The following CACNA1D variants were observed in gnomAD, a reference collection of about 807,000 sequenced individuals.
CACNA1D encodes voltage-dependent L-type calcium channel subunit alpha-1D.
A neutral mutation model predicts 257.1 loss-of-function variants in CACNA1D; 55 were observed. The ratio of observed to expected loss-of-function variants is 0.21; its 90% CI spans 0.17 to 0.27. CACNA1D has a LOEUF of 0.27. Among genes scored for constraint, CACNA1D ranks in the 10% least tolerant of loss-of-function variants. The pLI, the probability that CACNA1D is intolerant of heterozygous loss-of-function variation, is 1.00. For missense variants in CACNA1D, 1,876 were observed against 2,784.0 expected, an observed-to-expected ratio of 0.67 and a Z score of 7.34; for synonymous variants, 980 against 1,014.9, an observed-to-expected ratio of 0.97 and a Z score of 0.65.
intron 7 of CACNA1D, among the ~76,000 whole-genome samples, chr3:53,670,327 A>T (rs1483225823): frequency 6.6e-6 from 1 of 152,164 alleles, no homozygotes; most frequent in East Asian, 1.9e-4. Context: ...ATGAATATGC[A>T]TTTCAACCTT....
chr3:53,810,528 G>A (rs1241940012), intron 47 of CACNA1D: 13 of 574,382 alleles, frequency 2.3e-5, no homozygotes, highest in Middle Eastern at 4.6e-4. Context: ...AGGCCGAGGC[G>A]GGTGGATCAC....
intron 40 of CACNA1D, among the ~76,000 whole-genome samples, chr3:53,795,575 G>C (rs999055829): frequency 1.1e-4 from 17 of 152,188 alleles, no homozygotes; most frequent in South Asian, 6.2e-4. Context: ...GAATCTAGTG[G>C]AATATTTGTA....
chr3:53,605,783 C>T (rs1328655451), intron 3 of CACNA1D, among the ~76,000 whole-genome samples: 1 of 152,204 alleles, frequency 6.6e-6, no homozygotes, highest in Non-Finnish European at 1.5e-5. Context: ...AGAACACTTA[C>T]CAAGATCAGT....
chr3:53,702,603 A>T (rs375407224), intron 8 of CACNA1D, 38 bp from the exon 9 acceptor site: 205 of 1,607,424 alleles, frequency 1.3e-4, no homozygotes, highest in Non-Finnish European at 1.6e-4. Flanking sequence ...GTCCCCAAGG[A>T]TGTCCTGATA....
Position 53,810,050 on chromosome 3 carries a change from G to T in CACNA1D, c.5944G>T (p.Ala1982Ser). The change falls in exon 47 of 48, where the codon GCC becomes TCC. Residue 1982 changes from alanine (A) to serine (S), a missense_variant. Ala to Ser is a moderately conservative substitution (Grantham distance 99). Coordinates refer to ENST00000350061, the MANE Select transcript of CACNA1D (RefSeq NM_001128840.3). ...YSPSHSTRSW[A>S]TPPATPPYRD... Reference sequence around the variant, plus strand: ...ACCGAGTCACTCGACCCGGTCGTGGGCCACCCCTCCAGCAACCCCTCCCTA... The same window carrying T: ...ACCGAGTCACTCGACCCGGTCGTGGTCCACCCCTCCAGCAACCCCTCCCTA... 6.2e-7 allele frequency: 1 copy of T among 1,613,932 alleles called. No homozygotes were observed. The highest frequency in any genetic ancestry group is 8.5e-7 in the Non-Finnish European group (1 of 1,180,010).
chr3:53,586,079 TA>T (rs1204816060), intron 3 of CACNA1D, among the ~76,000 whole-genome samples: 1 of 152,018 alleles, frequency 6.6e-6, no homozygotes, highest in African/African-American at 2.4e-5. Context: ...GATATGTGGG[TA>T]ATGGGCCAGA....
intron 34 of CACNA1D, 90 bp from the exon 35 acceptor site, chr3:53,775,796 G>GGAGAAAAA: frequency 8.2e-7 from 1 of 1,222,522 alleles, no homozygotes; most frequent in Non-Finnish European, 1.2e-6. Context: ...CTTAGGTTTT[G>GGAGAAAAA]CTCTAATTAT....
chr3:53,782,256 G>GTA (rs1219704709), intron 39 of CACNA1D: 1 of 56,148 alleles, frequency 1.8e-5, no homozygotes, highest in African/African-American at 8.3e-5. Context: ...GTGTGTGTGT[G>GTA]TGTGTGTGTA....
intron 37 of CACNA1D, among the ~76,000 whole-genome samples, chr3:53,778,539 T>C (rs928371347): frequency 1.3e-5 from 2 of 152,272 alleles, no homozygotes; most frequent in Non-Finnish European, 2.9e-5. Flanking sequence ...TGGAACATGC[T>C]GTTAATGAAA....
intron 28 of CACNA1D, among the ~76,000 whole-genome samples, chr3:53,752,967 G>A (rs1252462358): frequency 6.6e-6 from 1 of 152,182 alleles, no homozygotes; most frequent in African/African-American, 2.4e-5. Context: ...GATACTCTAC[G>A]AGGACAGGAA....
chr3:53,733,089 G>A, intron 19 of CACNA1D, 127 bp downstream of exon 19: 1 of 888,278 alleles, frequency 1.1e-6, no homozygotes, highest in Non-Finnish European at 1.8e-6. Flanking sequence ...AGTGTCCCTG[G>A]CGCCCTCACC....
intron 3 of CACNA1D, among the ~76,000 whole-genome samples, chr3:53,603,755 A>G (rs1032048258): frequency 6.6e-6 from 1 of 152,224 alleles, no homozygotes. Flanking sequence ...CTGTGCATGA[A>G]TACCCCTGGG....
chr3:53,804,322 A>T (rs948838283), intron 44 of CACNA1D, among the ~76,000 whole-genome samples: 2 of 152,190 alleles, frequency 1.3e-5, no homozygotes, highest in Non-Finnish European at 1.5e-5. Flanking sequence ...GACTTCTGAA[A>T]CCACTGACTC....
chr3:53,539,085 A>G (rs915674034), intron 3 of CACNA1D, among the ~76,000 whole-genome samples: 6 of 152,052 alleles, frequency 3.9e-5, no homozygotes, highest in Admixed American at 3.9e-4. Context: ...TTTTATTTAA[A>G]TGGATCATGC....
Position 53,538,998 on chromosome 3 carries a change from T to A in CACNA1D, c.483+37278T>A, listed in dbSNP as rs573578384. 2.6e-5 allele frequency among the ~76,000 whole-genome samples: 4 copies of A among 152,308 alleles called. 1 individual carries two copies. In the East Asian group the frequency reaches 7.7e-4, roughly 29 times the overall value. On this transcript the variant is annotated intron_variant, in intron 3 of 47. Transcript: ENST00000350061. ...CTCAGTGTTTATGGTAATGACTTCC[T>A]CGATTTTCTTTCCTGTTTGATCATT...
chr3:53,616,927 A>G (rs2093643510), intron 3 of CACNA1D, among the ~76,000 whole-genome samples: 1 of 151,992 alleles, frequency 6.6e-6, no homozygotes, highest in African/African-American at 2.4e-5. Flanking sequence ...GAGGGGAAAG[A>G]ATGGTTGGTG....
chr3:53,651,021 T>C, intron 4 of CACNA1D, 103 bp downstream of exon 4: 1 of 1,066,410 alleles, frequency 9.4e-7, no homozygotes, highest in Non-Finnish European at 1.4e-6. Context: ...ATGTGGTTGC[T>C]CTTTTATGCC....
chr3:53,745,254 T>C (rs911142760), intron 23 of CACNA1D, among the ~76,000 whole-genome samples: 2 of 151,848 alleles, frequency 1.3e-5, no homozygotes, highest in African/African-American at 2.4e-5. Flanking sequence ...TTTTTTTTTT[T>C]CTTTGAAACG....
intron 47 of CACNA1D, 35 bp downstream of exon 47, chr3:53,810,333 C>T (rs1357690703): frequency 1.2e-6 from 2 of 1,600,374 alleles, no homozygotes; most frequent in African/African-American, 1.3e-5. Context: ...GGGCAGGAAG[C>T]ACCAGGAGCA....
Sources: gnomAD v4.1 joint callset for allele counts (sites outside exome capture counted in the v4.1 genomes callset) on GRCh38, gnomAD v4.1.1 for gene constraint, MANE v1.5 for transcripts, NCBI Gene and HGNC (gene_info 2026-07-23, HGNC 2026-07-21) for gene names.